The following RCN1 variants were observed in gnomAD, a reference collection of about 807,000 sequenced individuals.
RCN1 encodes the protein reticulocalbin-1.
In RCN1, 14 loss-of-function variants were observed where a neutral mutation model predicts 34.7. The observed-to-expected ratio is 0.40, with a 90% CI of 0.27 to 0.63. The LOEUF (loss-of-function observed/expected upper bound fraction) is 0.63. RCN1 is among the 30% of genes least tolerant of loss of function. The probability of loss-of-function intolerance (pLI) is 0.37; values close to 1 mark genes in which losing one functional copy is unlikely to be tolerated. For missense variants in RCN1, 326 were observed against 425.1 expected, an observed-to-expected ratio of 0.77 and a Z score of 2.05; for synonymous variants, 125 against 165.5, an observed-to-expected ratio of 0.76 and a Z score of 1.88.
chr11:32,091,173 C>T lies in RCN1; in HGVS notation c.-24C>T, dbSNP rs753760762. On this transcript the variant is annotated 5_prime_UTR_variant, in exon 1 of 6. Coordinates refer to ENST00000054950, the MANE Select transcript of RCN1 (RefSeq NM_002901.4). Reference sequence around the variant, plus strand: ...GTTGTCGCTCGCTCAGCGTCTCCCTCTCGGCCGCCCTCTCCTCGGGACGAT... The same window carrying T: ...GTTGTCGCTCGCTCAGCGTCTCCCTTTCGGCCGCCCTCTCCTCGGGACGAT... The T allele has an allele frequency of 5.7e-6, 8 of 1,401,562 alleles. No individual in the cohort carries two copies. The South Asian group carries it at 1.3e-4, about 23-fold the overall frequency. 86.8% of individuals were successfully genotyped at this position (1,401,562 alleles called of 1,614,324 possible).
At chr11:32,097,057 T>C in intron 1 of RCN1, 87 bp from the exon 2 acceptor site, 1 of 1,121,522 alleles carries the variant, frequency 8.9e-7, no homozygotes, top group South Asian at 2.0e-5. Flanking sequence ...GTTTGATCTT[T>C]TGCTGGACCA....
At chr11:32,096,352 G>A (rs1851972789) in intron 1 of RCN1, among the ~76,000 whole-genome samples, 1 of 152,136 alleles carries the variant, frequency 6.6e-6, no homozygotes, top group African/African-American at 2.4e-5. Flanking sequence ...TTTGCTCTGG[G>A]CTAGCATTTA....
intron 3 of RCN1, among the ~76,000 whole-genome samples, chr11:32,099,749 C>T (rs1418179845): frequency 1.3e-5 from 2 of 152,166 alleles, no homozygotes; most frequent in African/African-American, 4.8e-5. Context: ...TTTAGTTATC[C>T]AGGTGGTGGA....
chr11:32,103,023 A>T, intron 4 of RCN1: 1 of 586,926 alleles, frequency 1.7e-6, no homozygotes, highest in Non-Finnish European at 3.2e-6. Flanking sequence ...CTTCAGGCTC[A>T]GTCACTGAAC....
intron 2 of RCN1, among the ~76,000 whole-genome samples, chr11:32,097,843 C>T (rs1194084500): frequency 1.3e-5 from 2 of 152,068 alleles, no homozygotes; most frequent in African/African-American, 4.8e-5. Flanking sequence ...CCAAGACAAA[C>T]AAGATCGGGA....
At chr11:32,101,948 C>T (rs1014674866) in intron 4 of RCN1, 5 of 152,244 alleles carry the variant, frequency 3.3e-5, no homozygotes, top group African/African-American at 4.8e-5. Context: ...GGTGCAAAGT[C>T]AGAGGCAGAA....
Position 32,097,195 on chromosome 11 carries a change from G to A in RCN1, c.306G>A (p.Glu102=). The change falls in exon 2 of 6, where the codon GAG becomes GAA. Residue 102 remains glutamate, a synonymous_variant. Coordinates refer to ENST00000054950, the MANE Select transcript of RCN1 (RefSeq NM_002901.4). The stretch of plus-strand genomic sequence containing the variant: ...ATGGGGATGGCTTTGTCACTACTGA[G>A]GAGCTGAAAACCTGGATCAAACGGG... The part of the protein sequence containing the change: ...DNDGDGFVTT[E]ELKTWIKRVQ... The A allele has an allele frequency of 1.3e-6, 2 of 1,598,628 alleles. No individual in the cohort carries two copies. The highest frequency in any genetic ancestry group is 1.7e-6 in the Non-Finnish European group (2 of 1,175,186).
rs758221377 is a variant in RCN1, at chr11:32,097,167, A to G, written c.278A>G (p.Asn93Ser). The G allele has an allele frequency of 1.9e-6, 3 of 1,549,500 alleles. No individual in the cohort carries two copies. The highest frequency in any genetic ancestry group is 2.8e-5 in the African/African-American group (2 of 71,654). Reference sequence around the variant, plus strand: ...AGGAAGATTGTTGATCGAATCGACAATGATGGGGATGGCTTTGTCACTACT... The same window carrying G: ...AGGAAGATTGTTGATCGAATCGACAGTGATGGGGATGGCTTTGTCACTACT... ...RLGKIVDRID[N>S]DGDGFVTTEE... Residue 93 changes from asparagine (N) to serine (S), a missense_variant, in exon 2 of 6, where the codon AAT (asparagine) becomes AGT (serine). Asn to Ser is a conservative substitution (Grantham distance 46). Transcript: ENST00000054950.
At position 32,098,333 on chromosome 11, in the gene RCN1, A is replaced by C. The variant is rs756740384; in HGVS notation, c.449-17A>C. On this transcript the variant is annotated splice_polypyrimidine_tract_variant and intron_variant, in intron 2 of 5. Transcript: ENST00000054950. ...CCGCACGGTTTAAAAACATTTCTGC[A>C]TACATACATCCTGCAGGAAACCCCG... 1.1e-4 allele frequency: 172 copies of C among 1,597,912 alleles called. No individual in the cohort carries two copies. The highest frequency in any genetic ancestry group is 2.1e-4 in the Admixed American group (12 of 56,690).
chr11:32,098,116 G>T (rs1046113959), intron 2 of RCN1, among the ~76,000 whole-genome samples: 1 of 152,186 alleles, frequency 6.6e-6, no homozygotes, highest in Non-Finnish European at 1.5e-5. Flanking sequence ...TAAAGCCTGC[G>T]CTCTTAACCA....
rs552400957 is a variant in RCN1 at position 32,091,288 on chromosome 11, C to A, written c.92C>A (p.Pro31His). Residue 31 changes from proline to histidine, a missense_variant, in exon 1 of 6, where the codon CCC (proline) becomes CAC (histidine). Transcript: ENST00000054950. ...VLAPRVLRAK[P>H]TVRKERVVRP... Reference sequence around the variant, plus strand: ...GCGCCGCGGGTTCTGCGGGCCAAGCCCACGGTGCGCAAAGAGCGCGTGGTG... The same window carrying A: ...GCGCCGCGGGTTCTGCGGGCCAAGCACACGGTGCGCAAAGAGCGCGTGGTG... The A allele has an allele frequency of 1.2e-5, 18 of 1,544,114 alleles. No individual in the cohort carries two copies. The Admixed American group carries it at 2.0e-4, about 17-fold the overall frequency.
At chr11:32,096,603 T>C (rs142030322) in intron 1 of RCN1, 1 of 77,244 alleles carries the variant, frequency 1.3e-5, no homozygotes, top group African/African-American at 4.4e-5. Flanking sequence ...TGGTGGGATT[T>C]AAAAAAAAAA....
chr11:32,091,641 GA>G (rs1851923164), intron 1 of RCN1, 191 bp downstream of exon 1: 1 of 650,664 alleles, frequency 1.5e-6, no homozygotes, highest in African/African-American at 1.9e-5. Context: ...CCAGCTTGGA[GA>G]TCGCCGCCGC....
intron 1 of RCN1, chr11:32,091,701 C>G (rs1207782336): frequency 2.1e-6 from 1 of 480,544 alleles, no homozygotes; most frequent in African/African-American, 2.1e-5. Flanking sequence ...AACGTGGCAG[C>G]GGCCGCGGGA....
At chr11:32,101,169 A>G (rs144600380) in intron 4 of RCN1, among the ~76,000 whole-genome samples, 3 of 152,226 alleles carry the variant, frequency 2.0e-5, no homozygotes, top group East Asian at 1.9e-4. Flanking sequence ...TGGGAGTCCT[A>G]TAGTGTCAAA....
In RCN1 at chr11:32,105,636, G is replaced by A. The variant is rs1165976078; in HGVS notation, c.*1164G>A. 6.6e-6 allele frequency: 1 copy of A among 152,066 alleles called. No individual in the cohort carries two copies. The highest frequency in any genetic ancestry group is 1.5e-5 in the Non-Finnish European group (1 of 67,996). The allele number at this position is 152,066 out of a possible 1,614,324, so 9.4% of individuals were successfully genotyped here. ...TGGATCCCATGAATAACATTATAAAGGTTCTGGGGTTTTTTTTCATCCAAT... is the reference window on the plus strand; with the variant it reads ...TGGATCCCATGAATAACATTATAAAAGTTCTGGGGTTTTTTTTCATCCAAT... On this transcript the variant is annotated 3_prime_UTR_variant, in exon 6 of 6. Coordinates refer to ENST00000054950, the MANE Select transcript of RCN1 (RefSeq NM_002901.4).
At chr11:32,099,331 AAAAG>A (rs987711319) in intron 3 of RCN1, among the ~76,000 whole-genome samples, 14 of 152,220 alleles carry the variant, frequency 9.2e-5, no homozygotes, top group African/African-American at 1.4e-4. Context: ...AAAAAAAAAA[AAAAG>A]AAAGAGCAAA....
At chr11:32,097,425 C>T in intron 2 of RCN1, 88 bp downstream of exon 2, 1 of 943,726 alleles carries the variant, frequency 1.1e-6, no homozygotes, top group Non-Finnish European at 1.5e-6. Flanking sequence ...ATATCCACTC[C>T]CTTCAGGGAG....
intron 4 of RCN1, chr11:32,102,768 C>T: frequency 3.1e-6 from 1 of 321,774 alleles, no homozygotes; most frequent in South Asian, 2.5e-5. Context: ...TTGTTTTCAT[C>T]TGTAAAATGG....
Sources: allele counts gnomAD v4.1 joint callset (sites outside exome capture counted in the v4.1 genomes callset), GRCh38; gene constraint gnomAD v4.1.1; transcripts MANE v1.5; gene names NCBI Gene and HGNC (gene_info 2026-07-23, HGNC 2026-07-21).